MACROD2: variants seen among roughly 807,000 people sequenced by gnomAD.
The protein encoded by MACROD2 is ADP-ribose glycohydrolase MACROD2.
Under a neutral mutation model 70.4 loss-of-function variants are expected in MACROD2, and 36 were observed. That is an observed-to-expected ratio of 0.51 (90% CI 0.39 to 0.68). The LOEUF is 0.68. MACROD2 is among the 30% of genes least tolerant of loss of function. The pLI, the probability that MACROD2 is intolerant of heterozygous loss-of-function variation, is 0.00. For synonymous variants in MACROD2, 172 were observed against 178.8 expected (o/e 0.96, Z 0.30); for missense variants, 496 against 538.4 (o/e 0.92, Z 0.78).
intron 2 of MACROD2, among the ~76,000 whole-genome samples, chr20:14,041,622 TTC>T (rs2053391868): frequency 6.6e-6 from 1 of 152,164 alleles, no homozygotes; most frequent in Admixed American, 6.5e-5. Context: ...CAAGATTAGA[TTC>T]CTGAAAACCA....
chr20:15,820,174 C>T (rs1230261832), intron 8 of MACROD2, among the ~76,000 whole-genome samples: 2 of 152,016 alleles, frequency 1.3e-5, no homozygotes, highest in Non-Finnish European at 2.9e-5. Flanking sequence ...ACCCCTCTGC[C>T]CGTCTTTTTT....
chr20:14,212,425 CA>C (rs1163006722), intron 3 of MACROD2, among the ~76,000 whole-genome samples: 20 of 152,134 alleles, frequency 1.3e-4, no homozygotes, highest in Admixed American at 1.3e-3. Flanking sequence ...TGTTCATCAA[CA>C]AATGGTCTTC....
chr20:14,930,622 C>A (rs2074285357), intron 5 of MACROD2, among the ~76,000 whole-genome samples: 1 of 151,972 alleles, frequency 6.6e-6, no homozygotes, highest in Admixed American at 6.6e-5. Context: ...CTTCTCAGAG[C>A]TGGTACTCAA....
rs73597704 is a variant in MACROD2, at chr20:15,898,786, G to A, written c.775+12975G>A. On this transcript the variant is annotated intron_variant, in intron 10 of 17. Coordinates refer to ENST00000684519, the MANE Select transcript of MACROD2 (RefSeq NM_001351661.2). ...CTTGATCCTGGCACTTTATCATTTC[G>A]GTTTCAAGAATTTCCCTTACAAAAG... Among the ~76,000 whole-genome samples the A allele has an allele frequency of 4.6e-5, 7 of 151,776 alleles. No individual in the cohort carries two copies. In the East Asian group the frequency reaches 5.8e-4, roughly 13 times the overall value.
intron 3 of MACROD2, among the ~76,000 whole-genome samples, chr20:14,260,592 C>A (rs1163899366): frequency 6.6e-6 from 1 of 152,176 alleles, no homozygotes; most frequent in Non-Finnish European, 1.5e-5. Context: ...CATGAGCCAC[C>A]ACACCCAGCC....
intron 5 of MACROD2, chr20:14,906,136 T>C (rs112346238): frequency 7.9e-5 from 12 of 151,992 alleles, no homozygotes; most frequent in African/African-American, 2.4e-4. Flanking sequence ...CTATAAAGTA[T>C]AATAAGAGGG....
At chr20:14,542,361 C>A (rs2085444472) in intron 4 of MACROD2, among the ~76,000 whole-genome samples, 1 of 152,096 alleles carries the variant, frequency 6.6e-6, no homozygotes, top group Non-Finnish European at 1.5e-5. Flanking sequence ...AAACTATGTT[C>A]TTTGTTGCAC....
intron 4 of MACROD2, among the ~76,000 whole-genome samples, chr20:14,648,499 A>T (rs1215740155): frequency 1.3e-5 from 2 of 152,178 alleles, no homozygotes; most frequent in African/African-American, 4.8e-5. Flanking sequence ...ACTAGGGAGG[A>T]TCAAAATGTT....
chr20:14,229,111 A>G lies in MACROD2; in HGVS notation c.271+143383A>G, dbSNP rs183300165. 1.1e-4 allele frequency among the ~76,000 whole-genome samples: 17 copies of G among 152,356 alleles called. No homozygotes were observed. In the East Asian group the frequency reaches 3.3e-3, roughly 29 times the overall value. ...TATCCCAAAAGTAAGTTGCAAAACT[A>G]TAAAACTTTAGGAGATAACATAGGA... On this transcript the variant is annotated intron_variant, in intron 3 of 17. Coordinates refer to ENST00000684519, the MANE Select transcript of MACROD2 (RefSeq NM_001351661.2).
rs150017362 is a variant in MACROD2, at chr20:16,004,111, C to T, written c.1153+16953C>T. ...ACTGTGGGAGAAGATGCTTCTTTAGCGTCACTGTGGACCCCCAGTACCTGC... is the reference window on the plus strand; with the variant it reads ...ACTGTGGGAGAAGATGCTTCTTTAGTGTCACTGTGGACCCCCAGTACCTGC... On this transcript the variant is annotated intron_variant, in intron 15 of 17. Transcript: ENST00000684519. Among the ~76,000 whole-genome samples, 164 of 152,224 alleles carry T rather than the reference C, an allele frequency of 1.1e-3. 1 individual carries two copies. The highest frequency in any genetic ancestry group is 3.7e-3 in the African/African-American group (153 of 41,548).
At chr20:15,230,883 G>T (rs944697220) in intron 6 of MACROD2, among the ~76,000 whole-genome samples, 1 of 152,026 alleles carries the variant, frequency 6.6e-6, no homozygotes, top group Non-Finnish European at 1.5e-5. Context: ...GGAATCCCTT[G>T]GTTGTTCCCC....
At chr20:14,169,338 C>T (rs1359456856) in intron 3 of MACROD2, among the ~76,000 whole-genome samples, 1 of 151,804 alleles carries the variant, frequency 6.6e-6, no homozygotes, top group Admixed American at 6.6e-5. Context: ...GAGTTTCACT[C>T]TTGTTGCCCA....
intron 4 of MACROD2, among the ~76,000 whole-genome samples, chr20:14,575,789 T>C (rs1171917873): frequency 1.3e-5 from 2 of 152,200 alleles, no homozygotes; most frequent in African/African-American, 4.8e-5. Flanking sequence ...TAAATGTAAT[T>C]TTAAAAAGAA....
intron 5 of MACROD2, among the ~76,000 whole-genome samples, chr20:15,228,523 C>A (rs2076931592): frequency 7.4e-6 from 1 of 135,998 alleles, no homozygotes. Context: ...GAGTCTCACT[C>A]CGTCACTAGG....
intron 5 of MACROD2, among the ~76,000 whole-genome samples, chr20:15,089,280 A>C (rs549582596): frequency 6.6e-6 from 1 of 152,224 alleles, no homozygotes; most frequent in South Asian, 2.1e-4. Context: ...CCTTAACACT[A>C]ATTAAGGATC....
At chr20:14,574,388 C>A (rs1980430562) in intron 4 of MACROD2, among the ~76,000 whole-genome samples, 1 of 152,108 alleles carries the variant, frequency 6.6e-6, no homozygotes, top group Non-Finnish European at 1.5e-5. Context: ...TTCATTCATT[C>A]ATTCATTCAT....
intron 7 of MACROD2, among the ~76,000 whole-genome samples, chr20:15,434,987 T>C (rs1026282131): frequency 2.6e-5 from 4 of 152,052 alleles, no homozygotes; most frequent in Non-Finnish European, 5.9e-5. Context: ...TGCAAAGGCA[T>C]AAGAATGATA....
chr20:16,009,285 A>C (rs987547073), intron 15 of MACROD2, among the ~76,000 whole-genome samples: 1 of 152,246 alleles, frequency 6.6e-6, no homozygotes. Context: ...CACAGTTGAC[A>C]TTTGTATAGA....
At chr20:15,475,452 T>C (rs1245331794) in intron 7 of MACROD2, among the ~76,000 whole-genome samples, 1 of 152,236 alleles carries the variant, frequency 6.6e-6, no homozygotes, top group East Asian at 1.9e-4. Context: ...CAAATTCTTT[T>C]CCTTGGCAAC....
Sources: gnomAD v4.1 joint callset for allele counts (sites outside exome capture counted in the v4.1 genomes callset) on GRCh38, gnomAD v4.1.1 for gene constraint, MANE v1.5 for transcripts, NCBI Gene and HGNC (gene_info 2026-07-23, HGNC 2026-07-21) for gene names.